Variants in RBFOX3 observed in about 807,000 individuals in gnomAD.
The protein encoded by RBFOX3 is RNA binding protein fox-1 homolog 3.
Under a neutral mutation model 48.7 loss-of-function variants are expected in RBFOX3, and 17 were observed. The observed-to-expected ratio is 0.35, with a 90% CI of 0.24 to 0.52. The LOEUF (loss-of-function observed/expected upper bound fraction) is 0.52. Ranked by LOEUF, RBFOX3 falls within the 20% of genes least tolerant of loss-of-function variation. RBFOX3 has a pLI of 0.94. For synonymous variants in RBFOX3, 212 were observed against 209.5 expected, an observed-to-expected ratio of 1.01 and a Z score of -0.10; for missense variants, 382 against 497.5, an observed-to-expected ratio of 0.77 and a Z score of 2.21.
chr17:79,281,945 C>T (rs1403486651), intron 3 of RBFOX3, among the ~76,000 whole-genome samples: 3 of 152,108 alleles, frequency 2.0e-5, no homozygotes, highest in African/African-American at 4.8e-5. Context: ...AGGTGCAGCC[C>T]GTTAATTTCA....
chr17:79,103,404 C>T lies in RBFOX3; in HGVS notation c.415-150G>A, dbSNP rs934021888. On this transcript the variant is annotated intron_variant, in intron 7 of 14. Transcript: ENST00000693108. This position sits in a 1 kb window ranked among gnomAD's most constrained non-coding sequence, Gnocchi z 6.1. ...TGAGTCAGGTGAGTTGAGGCAGAGA[C>T]GCAGGCAGCCCAGAGGTCTGTCCTA... 1.5e-5 allele frequency: 10 copies of T among 654,104 alleles called. No individual in the cohort carries two copies. The highest frequency in any genetic ancestry group is 3.5e-4 in the Middle Eastern group (1 of 2,822). The allele number at this position is 654,104 out of a possible 1,614,324, so 40.5% of individuals were successfully genotyped here.
chr17:79,301,623 A>C (rs1019421292), intron 3 of RBFOX3, among the ~76,000 whole-genome samples: 4 of 152,198 alleles, frequency 2.6e-5, no homozygotes, highest in Admixed American at 6.5e-5. Context: ...TCCATCACAC[A>C]GTGTCAAGAC....
intron 1 of RBFOX3, among the ~76,000 whole-genome samples, chr17:79,525,689 G>A (rs2086700486): frequency 6.6e-6 from 1 of 152,218 alleles, no homozygotes; most frequent in Non-Finnish European, 1.5e-5. Context: ...TAGTATATTA[G>A]AATTCCAATC....
chr17:79,365,483 A>T (rs550768176), intron 2 of RBFOX3, among the ~76,000 whole-genome samples: 3 of 152,400 alleles, frequency 2.0e-5, no homozygotes, highest in African/African-American at 7.2e-5. Context: ...CATTTAATTC[A>T]TACTTAATTC....
chr17:79,262,170 C>T (rs1177288294), intron 3 of RBFOX3, among the ~76,000 whole-genome samples: 1 of 152,260 alleles, frequency 6.6e-6, no homozygotes, highest in East Asian at 1.9e-4. Flanking sequence ...CAGCTCTGTA[C>T]ACACAATGTG....
chr17:79,342,395 G>A (rs1313446038), intron 2 of RBFOX3, among the ~76,000 whole-genome samples: 2 of 152,090 alleles, frequency 1.3e-5, no homozygotes, highest in Non-Finnish European at 2.9e-5. Context: ...GGTCAGAGTC[G>A]AAGTCTCTCT....
At chr17:79,469,301 C>G (rs2076765496) in intron 2 of RBFOX3, among the ~76,000 whole-genome samples, 2 of 152,194 alleles carry the variant, frequency 1.3e-5, no homozygotes, top group African/African-American at 4.8e-5. Flanking sequence ...GCTGGGCGGG[C>G]TCAAGTCCAG....
chr17:79,100,788 G>T (rs1252163537), intron 9 of RBFOX3, among the ~76,000 whole-genome samples: 1 of 152,194 alleles, frequency 6.6e-6, no homozygotes, highest in Non-Finnish European at 1.5e-5. Context: ...GTTAAGACTC[G>T]CAGTGGCCAC....
At chr17:79,553,048 A>T (rs2091302322) in intron 1 of RBFOX3, among the ~76,000 whole-genome samples, 2 of 152,224 alleles carry the variant, frequency 1.3e-5, no homozygotes, top group Admixed American at 1.3e-4. Context: ...AATATGAAAT[A>T]GTAGTAGCAA....
At chr17:79,404,058 G>A (rs561802798) in intron 2 of RBFOX3, among the ~76,000 whole-genome samples, 75 of 152,242 alleles carry the variant, frequency 4.9e-4, no homozygotes, top group African/African-American at 1.7e-3. Flanking sequence ...GATTACAGGC[G>A]TGAACCACCA....
chr17:79,340,754 A>G (rs2081962828), intron 2 of RBFOX3, among the ~76,000 whole-genome samples: 1 of 152,236 alleles, frequency 6.6e-6, no homozygotes, highest in Non-Finnish European at 1.5e-5. Flanking sequence ...AAAAAAGATG[A>G]AAACATCTGT....
chr17:79,150,756 G>C (rs2044239045), intron 4 of RBFOX3, among the ~76,000 whole-genome samples: 1 of 152,134 alleles, frequency 6.6e-6, no homozygotes, highest in African/African-American at 2.4e-5. Context: ...GGTAGGGATG[G>C]GCACTTCCGA....
chr17:79,375,604 A>T (rs915503678), intron 2 of RBFOX3, among the ~76,000 whole-genome samples: 4 of 152,116 alleles, frequency 2.6e-5, no homozygotes, highest in Non-Finnish European at 5.9e-5. Flanking sequence ...GTGTGCAAAA[A>T]GTTTCTGGGG....
chr17:79,202,443 C>G (rs2056901480), intron 4 of RBFOX3, among the ~76,000 whole-genome samples: 1 of 152,176 alleles, frequency 6.6e-6, no homozygotes, highest in Admixed American at 6.5e-5. Flanking sequence ...TCTGCCACTG[C>G]TAGGGGTGCT....
At chr17:79,143,626 C>T (rs7210395) in intron 4 of RBFOX3, among the ~76,000 whole-genome samples, 31,412 of 152,154 alleles carry the variant, frequency 0.21, 3,499 homozygotes, top group Middle Eastern at 0.28. Flanking sequence ...CACAGGTGAC[C>T]CCCTTCGCTC....
chr17:79,426,371 C>T (rs892539683), intron 2 of RBFOX3, among the ~76,000 whole-genome samples: 8 of 152,290 alleles, frequency 5.3e-5, no homozygotes, highest in Middle Eastern at 3.4e-3. Context: ...AATAAAACCT[C>T]AGGGTCAGGG....
intron 1 of RBFOX3, among the ~76,000 whole-genome samples, chr17:79,561,253 G>A (rs956479298): frequency 6.3e-4 from 96 of 152,262 alleles, no homozygotes; most frequent in African/African-American, 2.2e-3. Flanking sequence ...TCACCACCGT[G>A]CTCCAAGGGT....
At chr17:79,207,419 C>A (rs913220449) in intron 4 of RBFOX3, among the ~76,000 whole-genome samples, 1 of 152,244 alleles carries the variant, frequency 6.6e-6, no homozygotes, top group Non-Finnish European at 1.5e-5. Flanking sequence ...AGTCAGGGAG[C>A]TACGGTCAGA....
At position 79,199,483 on chromosome 17, in the gene RBFOX3, G is replaced by A. The variant is rs1599934976; in HGVS notation, c.-34+36283C>T. Among the ~76,000 whole-genome samples the A allele has an allele frequency of 7.0e-6, 1 of 142,092 alleles. No homozygotes were observed. The highest frequency in any genetic ancestry group is 1.5e-5 in the Non-Finnish European group (1 of 65,650). 93.2% of individuals were successfully genotyped at this position (142,092 alleles called of 152,430 possible). A position where few individuals can be genotyped will look rare whatever the true frequency, so the allele number is the denominator to read the frequency against. ...AGCCCAGGTGGGACTTGAGGAAGAG[G>A]AGAAGGCCAGCCATCTGGATGGCCT... is the stretch of plus-strand genomic sequence containing the variant. On this transcript the variant is annotated intron_variant, in intron 4 of 14. Transcript: ENST00000693108. This position sits in a 1 kb window ranked among gnomAD's most constrained non-coding sequence, Gnocchi z 5.1.
Sources: allele counts gnomAD v4.1 joint callset (sites outside exome capture counted in the v4.1 genomes callset), GRCh38; gene constraint gnomAD v4.1.1; non-coding constraint Gnocchi (gnomAD v3.1); transcripts MANE v1.5; gene names NCBI Gene and HGNC (gene_info 2026-07-23, HGNC 2026-07-21).